KCNK9: variants seen among roughly 807,000 people sequenced by gnomAD.
KCNK9 encodes the protein potassium two pore domain channel subfamily K member 9.
A neutral mutation model predicts 10.8 loss-of-function variants in KCNK9; 1 was observed. The ratio of observed to expected loss-of-function variants is 0.09; its 90% CI spans 0.03 to 0.44. The LOEUF is 0.44. Among genes scored for constraint, KCNK9 ranks in the 20% least tolerant of loss-of-function variants. The pLI, the probability that KCNK9 is intolerant of heterozygous loss-of-function variation, is 0.97. For synonymous variants in KCNK9, 231 were observed against 222.7 expected (o/e 1.04, Z -0.33); for missense variants, 303 against 515.0 (o/e 0.59, Z 3.98).
chr8:139,613,148 T>C (rs961600647), downstream of KCNK9, among the ~76,000 whole-genome samples: 2 of 152,198 alleles, frequency 1.3e-5, no homozygotes, highest in Non-Finnish European at 2.9e-5. Flanking sequence ...AATTTCTTCT[T>C]TGGCTGAACC....
At chr8:139,654,239 C>T (rs535539876) in intron 1 of KCNK9, among the ~76,000 whole-genome samples, 40 of 152,342 alleles carry the variant, frequency 2.6e-4, no homozygotes, top group Non-Finnish European at 5.0e-4. Context: ...ATTTTTAATA[C>T]TTACATGGAA....
intron 1 of KCNK9, among the ~76,000 whole-genome samples, chr8:139,621,231 C>T (rs896425552): frequency 1.4e-5 from 2 of 147,738 alleles, no homozygotes; most frequent in Admixed American, 6.8e-5. Flanking sequence ...GTGGAGGTTG[C>T]AATGAGCCAT....
At chr8:139,687,705 T>G (rs916384114) in intron 1 of KCNK9, among the ~76,000 whole-genome samples, 1 of 143,160 alleles carries the variant, frequency 7.0e-6, no homozygotes, top group Non-Finnish European at 1.5e-5. Context: ...CATATATATA[T>G]AGACACACAT....
intron 1 of KCNK9, among the ~76,000 whole-genome samples, chr8:139,666,983 G>A (rs1243410268): frequency 6.6e-6 from 1 of 152,216 alleles, no homozygotes; most frequent in Non-Finnish European, 1.5e-5. Flanking sequence ...CATTGCCACG[G>A]CTGCCTCTGT....
chr8:139,653,388 C>A (rs1815925680), intron 1 of KCNK9, among the ~76,000 whole-genome samples: 1 of 152,128 alleles, frequency 6.6e-6, no homozygotes, highest in African/African-American at 2.4e-5. Context: ...AGGTCCCCTA[C>A]CTGGAGTGCC....
At chr8:139,657,620 A>G (rs890450958) in intron 1 of KCNK9, among the ~76,000 whole-genome samples, 6 of 152,128 alleles carry the variant, frequency 3.9e-5, no homozygotes, top group Non-Finnish European at 5.9e-5. Context: ...GCTTCCCACC[A>G]TACACTGCAG....
downstream of KCNK9, among the ~76,000 whole-genome samples, chr8:139,614,669 G>C (rs1200941082): frequency 6.6e-6 from 1 of 151,972 alleles, no homozygotes; most frequent in Non-Finnish European, 1.5e-5. Flanking sequence ...ACGTAAAAGA[G>C]TCTAACAGGC....
intron 1 of KCNK9, among the ~76,000 whole-genome samples, chr8:139,627,833 G>A (rs1815025504): frequency 6.6e-6 from 1 of 152,200 alleles, no homozygotes; most frequent in African/African-American, 2.4e-5. Context: ...TATGTCCTGG[G>A]GAGAGGGGCT....
chr8:139,637,977 C>CACATG (rs2129640504), intron 1 of KCNK9, among the ~76,000 whole-genome samples: 1 of 152,240 alleles, frequency 6.6e-6, no homozygotes, highest in South Asian at 2.1e-4. Context: ...CTAGTACCAA[C>CACATG]ACATGTGCAG....
chr8:139,618,844 T>C lies in KCNK9; in HGVS notation c.539A>G (p.Gln180Arg). Residue 180 changes from glutamine (Q) to arginine (R), a missense_variant, in exon 2 of 2, where the codon CAG (glutamine) becomes CGG (arginine). Gln to Arg is a conservative substitution (Grantham distance 43, BLOSUM62 1). Around this residue, in one of 5 missense-constraint regions of KCNK9, gnomAD observed 53 missense variants for 134.9 expected, o/e 0.39. Coordinates refer to ENST00000520439, the MANE Select transcript of KCNK9 (RefSeq NM_001282534.2). This position sits in a 1 kb window ranked among gnomAD's most constrained non-coding sequence, Gnocchi z 7.9. ...GTGGAAGAAGCTCCACTCCTCACAC[T>C]GGGAGAAGGCGGCCGCCCCGATGCA... ...TLCIGAAAFS[Q>R]CEEWSFFHAY... The C allele has an allele frequency of 6.2e-7, 1 of 1,614,202 alleles. No individual in the cohort carries two copies. The highest frequency in any genetic ancestry group is 1.1e-5 in the South Asian group (1 of 91,082).
In KCNK9 at chr8:139,618,798, G is replaced by T. The variant is rs1814682477; in HGVS notation, c.585C>A (p.Ile195=). ...CCCCGAACCCAATGGTAGTCAACGT[G>T]ATGAAGCAGTAGTAGTAGGCGTGGA... The part of the protein sequence containing the change: ...SFFHAYYYCF[I]TLTTIGFGDY... Residue 195 remains isoleucine (I), a synonymous_variant, in exon 2 of 2, where the codon ATC becomes ATA. Coordinates refer to ENST00000520439, the MANE Select transcript of KCNK9 (RefSeq NM_001282534.2). This position sits in a 1 kb window ranked among gnomAD's most constrained non-coding sequence, Gnocchi z 7.9. 1 of 1,614,110 alleles carries T rather than the reference G, an allele frequency of 6.2e-7. No homozygotes were observed. The highest frequency in any genetic ancestry group is 1.1e-5 in the South Asian group (1 of 91,084).
chr8:139,659,233 G>T (rs1246880163), intron 1 of KCNK9, among the ~76,000 whole-genome samples: 1 of 152,196 alleles, frequency 6.6e-6, no homozygotes, highest in African/African-American at 2.4e-5. Flanking sequence ...CTTGCTAGGG[G>T]TGGCTCCAGG....
chr8:139,679,823 C>G (rs549643501), intron 1 of KCNK9, among the ~76,000 whole-genome samples: 1 of 152,192 alleles, frequency 6.6e-6, no homozygotes, highest in South Asian at 2.1e-4. Context: ...TTATGTCACC[C>G]GCCCTTCCTG....
At chr8:139,648,929 C>G (rs1354921946) in intron 1 of KCNK9, among the ~76,000 whole-genome samples, 1 of 152,226 alleles carries the variant, frequency 6.6e-6, no homozygotes, top group Non-Finnish European at 1.5e-5. Context: ...AGGTAATCAT[C>G]TTAGCATACA....
intron 1 of KCNK9, among the ~76,000 whole-genome samples, chr8:139,633,062 T>C (rs147326990): frequency 6.6e-6 from 1 of 152,254 alleles, no homozygotes; most frequent in African/African-American, 2.4e-5. Context: ...TGGGGCGATC[T>C]GGCAGGGTGC....
chr8:139,635,944 A>T (rs1488275790), intron 1 of KCNK9, among the ~76,000 whole-genome samples: 1 of 152,174 alleles, frequency 6.6e-6, no homozygotes, highest in Non-Finnish European at 1.5e-5. Flanking sequence ...AACATTTTTA[A>T]TTCCTCATAA....
chr8:139,612,689 C>G (rs1176384495), downstream of KCNK9: 5 of 152,210 alleles, frequency 3.3e-5, no homozygotes, highest in Non-Finnish European at 7.3e-5. Flanking sequence ...CAGAGGAAAA[C>G]AACATTTAAT....
downstream of KCNK9, among the ~76,000 whole-genome samples, chr8:139,614,048 T>C (rs1814507937): frequency 6.6e-6 from 1 of 152,186 alleles, no homozygotes; most frequent in Non-Finnish European, 1.5e-5. Flanking sequence ...GGTTTTTTGG[T>C]CATTTTCTCC....
chr8:139,680,999 T>A (rs1454639230), intron 1 of KCNK9, among the ~76,000 whole-genome samples: 1 of 152,184 alleles, frequency 6.6e-6, no homozygotes, highest in African/African-American at 2.4e-5. Context: ...CAAGCACACA[T>A]GTGGCTTTCG....
Sources: allele counts gnomAD v4.1 joint callset (sites outside exome capture counted in the v4.1 genomes callset), GRCh38; gene constraint gnomAD v4.1.1; regional missense constraint gnomAD v4.1.1; non-coding constraint Gnocchi (gnomAD v3.1); transcripts MANE v1.5; gene names NCBI Gene and HGNC (gene_info 2026-07-23, HGNC 2026-07-21).